The following DGKB variants were observed in gnomAD, a reference collection of about 807,000 sequenced individuals.
DGKB encodes the protein diacylglycerol kinase beta.
DGKB carries 67 observed loss-of-function variants against 114.3 expected under a neutral mutation model. That is an observed-to-expected ratio of 0.59 (90% CI 0.48 to 0.72). DGKB has a LOEUF of 0.72. Ranked by LOEUF, DGKB falls within the 30% of genes least tolerant of loss-of-function variation. DGKB has a pLI of 0.00. For missense variants in DGKB, 907 were observed against 975.2 expected (o/e 0.93, Z 0.93); for synonymous variants, 398 against 323.1 (o/e 1.23, Z -2.49).
At chr7:14,352,837 C>T (rs536413647) in intron 21 of DGKB, among the ~76,000 whole-genome samples, 3 of 152,136 alleles carry the variant, frequency 2.0e-5, no homozygotes, top group South Asian at 2.1e-4. Flanking sequence ...GCAGGAGAAT[C>T]GTCTGAACCC....
At chr7:14,608,923 CACAA>C (rs1200799961) in intron 16 of DGKB, among the ~76,000 whole-genome samples, 5 of 151,918 alleles carry the variant, frequency 3.3e-5, no homozygotes, top group Non-Finnish European at 5.9e-5. Flanking sequence ...TCAGAGGTGA[CACAA>C]ACAAATGAAA....
At chr7:14,304,099 T>TCTCA (rs1804058337) in intron 23 of DGKB, among the ~76,000 whole-genome samples, 1 of 104,278 alleles carries the variant, frequency 9.6e-6, no homozygotes, top group African/African-American at 3.6e-5. Context: ...TCTCTCTCTC[T>TCTCA]CACCCCTACC....
chr7:14,662,433 C>T (rs956048327), intron 13 of DGKB, among the ~76,000 whole-genome samples: 10 of 151,936 alleles, frequency 6.6e-5, no homozygotes, highest in Middle Eastern at 3.4e-3. Context: ...ACCATAAAAG[C>T]GGACTCATTT....
At chr7:14,659,085 G>A (rs535387350) in intron 13 of DGKB, among the ~76,000 whole-genome samples, 1 of 151,830 alleles carries the variant, frequency 6.6e-6, no homozygotes, top group South Asian at 2.1e-4. Context: ...CCTACCACTC[G>A]ACAGGCCCTG....
At chr7:14,183,960 C>T (rs1168201962) in intron 23 of DGKB, among the ~76,000 whole-genome samples, 1 of 152,200 alleles carries the variant, frequency 6.6e-6, no homozygotes, top group African/African-American at 2.4e-5. Flanking sequence ...CCCCCAAATA[C>T]TGAGTGCCCA....
chr7:14,812,294 C>T (rs1178963225), intron 2 of DGKB, among the ~76,000 whole-genome samples: 1 of 151,916 alleles, frequency 6.6e-6, no homozygotes, highest in African/African-American at 2.4e-5. Context: ...ACTTTTATTA[C>T]CTGTCTTTAG....
At chr7:14,595,189 G>A (rs148203228) in intron 17 of DGKB, among the ~76,000 whole-genome samples, 1 of 152,040 alleles carries the variant, frequency 6.6e-6, no homozygotes, top group Non-Finnish European at 1.5e-5. Flanking sequence ...TGAGTGAAGG[G>A]TTGTTATGTA....
intron 2 of DGKB, among the ~76,000 whole-genome samples, chr7:14,772,790 G>A (rs894241443): frequency 6.6e-6 from 1 of 152,060 alleles, no homozygotes; most frequent in Non-Finnish European, 1.5e-5. Flanking sequence ...AAAACCACCA[G>A]GAGGAAATCA....
chr7:14,696,925 T>C (rs1246062261), intron 8 of DGKB, among the ~76,000 whole-genome samples: 4 of 152,246 alleles, frequency 2.6e-5, no homozygotes, highest in Non-Finnish European at 5.9e-5. Context: ...TCCTGTTGTT[T>C]ACCGCATAGA....
chr7:14,288,546 AC>A (rs1801253369), intron 23 of DGKB, among the ~76,000 whole-genome samples: 1 of 151,998 alleles, frequency 6.6e-6, no homozygotes, highest in Admixed American at 6.6e-5. Context: ...TGCTTCTTTC[AC>A]TTTTAATCAT....
chr7:14,872,296 A>T (rs73055101), intron 1 of DGKB, among the ~76,000 whole-genome samples: 2,525 of 152,306 alleles, frequency 0.017, 23 homozygotes, highest in Admixed American at 0.025. Context: ...TACCACTAGC[A>T]ACAATCACAA....
chr7:14,644,023 G>A (rs950462323), intron 13 of DGKB, among the ~76,000 whole-genome samples: 2 of 151,934 alleles, frequency 1.3e-5, no homozygotes, highest in Non-Finnish European at 2.9e-5. Context: ...GGCCTACCTG[G>A]GCTCTCCCAA....
In DGKB at chr7:14,147,730, G is replaced by C. The variant is rs1429950986; in HGVS notation, c.*1401C>G. The stretch of plus-strand genomic sequence containing the variant: ...AACATAAAACATGCAATGATGAGAT[G>C]CAGGTCAATATGAATGAACAATATT... On this transcript the variant is annotated 3_prime_UTR_variant, in exon 26 of 26. Transcript: ENST00000402815. The C allele has an allele frequency of 6.6e-6, 1 of 152,498 alleles. No homozygotes were observed. Among genetic ancestry groups the C allele is most frequent in the Non-Finnish European group, 1.5e-5 (1 of 67,982 alleles). 9.4% of individuals were successfully genotyped at this position (152,498 alleles called of 1,614,324 possible). A position where few individuals can be genotyped will look rare whatever the true frequency, so the allele number is the denominator to read the frequency against.
intron 1 of DGKB, among the ~76,000 whole-genome samples, chr7:14,843,858 G>C (rs1848284592): frequency 1.7e-5 from 1 of 57,648 alleles, no homozygotes; most frequent in Non-Finnish European, 2.9e-5. Context: ...GCTTTATTGA[G>C]AGCTTACAGT....
intron 2 of DGKB, among the ~76,000 whole-genome samples, chr7:14,827,419 G>GGA (rs368228854): frequency 0.025 from 3,787 of 149,710 alleles, 137 homozygotes; most frequent in African/African-American, 0.086. Flanking sequence ...AGAAAGACAG[G>GGA]GAGAGAGAGA....
chr7:14,233,651 G>A (rs1376271770), intron 23 of DGKB, among the ~76,000 whole-genome samples: 1 of 152,050 alleles, frequency 6.6e-6, no homozygotes, highest in African/African-American at 2.4e-5. Flanking sequence ...ATTATCATCT[G>A]AGAATATGAA....
intron 25 of DGKB, among the ~76,000 whole-genome samples, chr7:14,157,620 A>G (rs1265519643): frequency 5.3e-5 from 8 of 152,192 alleles, no homozygotes; most frequent in African/African-American, 1.9e-4. Context: ...TGCATGGGAA[A>G]TATTCATACC....
intron 6 of DGKB, among the ~76,000 whole-genome samples, chr7:14,709,108 C>G (rs1563979211): frequency 1.3e-5 from 2 of 148,932 alleles, no homozygotes; most frequent in Non-Finnish European, 1.5e-5. Context: ...TGAACTCAAA[C>G]AAATTTACAA....
intron 4 of DGKB, among the ~76,000 whole-genome samples, chr7:14,745,179 T>G (rs1453612006): frequency 6.6e-6 from 1 of 152,200 alleles, no homozygotes; most frequent in Admixed American, 6.5e-5. Flanking sequence ...TGTTTGGTTT[T>G]AATATATGTC....
Sources: allele counts gnomAD v4.1 joint callset (sites outside exome capture counted in the v4.1 genomes callset), GRCh38; gene constraint gnomAD v4.1.1; transcripts MANE v1.5; gene names NCBI Gene and HGNC (gene_info 2026-07-23, HGNC 2026-07-21).